The following STPG2 variants were observed in gnomAD, a reference collection of about 807,000 sequenced individuals.
The protein encoded by STPG2 is sperm tail PG-rich repeat containing 2, also known as sperm-tail PG-rich repeat-containing protein 2.
In STPG2, 56 loss-of-function variants were observed where a neutral mutation model predicts 54.2. The ratio of observed to expected loss-of-function variants is 1.03; its 90% CI spans 0.83 to 1.29. STPG2 has a LOEUF of 1.29. Among genes scored for constraint, STPG2 ranks in the 50% most tolerant of loss-of-function variants. STPG2 has a pLI of 0.00. For synonymous variants in STPG2, 200 were observed against 181.8 expected (o/e 1.10, Z -0.81); for missense variants, 596 against 544.9 (o/e 1.09, Z -0.93).
rs190129929 is a variant in STPG2, at chr4:98,093,325, A to C, written c.612+12628T>G. ...GTAAATTATAATGTCATAAATATTC[A>C]AAAGATATATTAAAACAATACTACA... On this transcript the variant is annotated intron_variant, in intron 5 of 10. Coordinates refer to ENST00000295268, the MANE Select transcript of STPG2 (RefSeq NM_174952.3). 2.4e-3 allele frequency among the ~76,000 whole-genome samples: 360 copies of C among 152,338 alleles called. 2 individuals carry two copies. The highest frequency in any genetic ancestry group is 3.1e-3 in the Non-Finnish European group (213 of 68,028).
chr4:97,694,356 C>T (rs1723490035), intron 10 of STPG2, among the ~76,000 whole-genome samples: 1 of 150,664 alleles, frequency 6.6e-6, no homozygotes. Flanking sequence ...TACAGAAATA[C>T]AAAAAAAATC....
rs564637081 is a variant in STPG2 at position 97,981,281 on chromosome 4, C to G, written c.650G>C (p.Gly217Ala). The G allele has an allele frequency of 6.8e-6, 11 of 1,613,772 alleles. No individual in the cohort carries two copies. In the African/African-American group the frequency reaches 8.0e-5, roughly 12 times the overall value. ...AGCAGTTCGAGGTTCATTATATGTGCCAGGAGCCGGGGTGATTGATTTCAT... is the reference window on the plus strand; with the variant it reads ...AGCAGTTCGAGGTTCATTATATGTGGCAGGAGCCGGGGTGATTGATTTCAT... ...LPMKSITPAP[G>A]TYNEPRTALK... The change falls in exon 6 of 11, where the codon GGC becomes GCC. Residue 217 changes from glycine (G) to alanine (A), a missense_variant. Coordinates refer to ENST00000295268, the MANE Select transcript of STPG2 (RefSeq NM_174952.3).
intron 5 of STPG2, among the ~76,000 whole-genome samples, chr4:98,060,937 A>C (rs567370202): frequency 2.6e-4 from 40 of 152,220 alleles, no homozygotes; most frequent in Non-Finnish European, 4.8e-4. Flanking sequence ...TTAAAAACTT[A>C]AATGTAAAAT....
chr4:97,743,275 G>C (rs1725323979), intron 9 of STPG2, among the ~76,000 whole-genome samples: 1 of 151,686 alleles, frequency 6.6e-6, no homozygotes, highest in Non-Finnish European at 1.5e-5. Context: ...ACCTAGCACT[G>C]TGCCTTTGTT....
intron 9 of STPG2, among the ~76,000 whole-genome samples, chr4:97,725,712 T>C (rs913577748): frequency 2.9e-4 from 44 of 151,438 alleles, no homozygotes; most frequent in Non-Finnish European, 1.2e-4. Context: ...AAAGACAAAA[T>C]TAAAATGCTG....
chr4:97,764,769 A>C (rs1300019014), intron 9 of STPG2, among the ~76,000 whole-genome samples: 2 of 152,050 alleles, frequency 1.3e-5, no homozygotes, highest in Non-Finnish European at 2.9e-5. Flanking sequence ...TCCCCACAAG[A>C]GAAAGAGTAT....
At chr4:97,894,573 C>A (rs1333113157) in intron 8 of STPG2, among the ~76,000 whole-genome samples, 1 of 151,844 alleles carries the variant, frequency 6.6e-6, no homozygotes, top group Non-Finnish European at 1.5e-5. Context: ...TCATTTATCT[C>A]AGGATTCCCA....
chr4:97,870,146 A>G (rs1729934333), intron 8 of STPG2, among the ~76,000 whole-genome samples: 1 of 151,600 alleles, frequency 6.6e-6, no homozygotes, highest in Non-Finnish European at 1.5e-5. Context: ...AGGGATTAAA[A>G]TTATTTCTCC....
chr4:97,958,870 G>A (rs1391662500), intron 7 of STPG2, among the ~76,000 whole-genome samples: 3 of 152,078 alleles, frequency 2.0e-5, no homozygotes, highest in African/African-American at 4.8e-5. Flanking sequence ...TATGACAAAT[G>A]GACTTAACAG....
intron 8 of STPG2, among the ~76,000 whole-genome samples, chr4:97,857,599 T>C (rs1281676555): frequency 6.6e-6 from 1 of 152,094 alleles, no homozygotes; most frequent in Non-Finnish European, 1.5e-5. Context: ...TTCAAAACAA[T>C]GTCTCCTGGA....
At chr4:97,760,268 T>C (rs537120579) in intron 9 of STPG2, among the ~76,000 whole-genome samples, 9 of 152,328 alleles carry the variant, frequency 5.9e-5, no homozygotes, top group Admixed American at 3.3e-4. Flanking sequence ...GTTTAGATTT[T>C]ACATATCCAC....
intron 5 of STPG2, among the ~76,000 whole-genome samples, chr4:98,081,443 G>GA (rs1738341895): frequency 6.6e-6 from 1 of 151,976 alleles, no homozygotes; most frequent in Non-Finnish European, 1.5e-5. Flanking sequence ...GTTCTCTTGT[G>GA]AAAAAATTAT....
chr4:97,523,101 G>A (rs910011864), intron 4 of STPG2, among the ~76,000 whole-genome samples: 2 of 151,804 alleles, frequency 1.3e-5, no homozygotes, highest in African/African-American at 4.8e-5. Flanking sequence ...ATATTGCAAA[G>A]CATTTTCATC....
intron 10 of STPG2, among the ~76,000 whole-genome samples, chr4:97,565,206 T>C (rs537615307): frequency 6.6e-6 from 1 of 152,332 alleles, no homozygotes; most frequent in East Asian, 1.9e-4. Flanking sequence ...ACTGATACCC[T>C]TTCTTCCAGT....
intron 10 of STPG2, 91 bp from the exon 11 acceptor site, chr4:97,559,208 C>T (rs536550142): frequency 1.4e-5 from 11 of 805,424 alleles, no homozygotes; most frequent in African/African-American, 5.3e-5. Flanking sequence ...CAAAGAATAA[C>T]GATTCTTACA....
chr4:97,964,273 G>A (rs1225576814), intron 7 of STPG2, among the ~76,000 whole-genome samples: 1 of 152,116 alleles, frequency 6.6e-6, no homozygotes, highest in Non-Finnish European at 1.5e-5. Flanking sequence ...CACACAAAAT[G>A]GGAGAAAAAC....
chr4:98,129,835 C>T (rs368954470), intron 2 of STPG2, among the ~76,000 whole-genome samples: 2 of 152,054 alleles, frequency 1.3e-5, no homozygotes, highest in Admixed American at 1.3e-4. Flanking sequence ...ATGTTATAAA[C>T]GTACTATCAC....
At chr4:97,851,986 T>C (rs1388694813) in intron 8 of STPG2, among the ~76,000 whole-genome samples, 1 of 152,210 alleles carries the variant, frequency 6.6e-6, no homozygotes, top group Admixed American at 6.5e-5. Context: ...TATCCATTCT[T>C]CAGAGTTCTA....
At chr4:97,849,963 C>G (rs1475788605) in intron 8 of STPG2, among the ~76,000 whole-genome samples, 1 of 151,934 alleles carries the variant, frequency 6.6e-6, no homozygotes, top group Admixed American at 6.6e-5. Flanking sequence ...TATAAAGACA[C>G]ATGCACACGT....
Sources: allele counts gnomAD v4.1 joint callset (sites outside exome capture counted in the v4.1 genomes callset), GRCh38; gene constraint gnomAD v4.1.1; transcripts MANE v1.5; gene names NCBI Gene and HGNC (gene_info 2026-07-23, HGNC 2026-07-21).